LGALS12: variants seen among roughly 807,000 people sequenced by gnomAD.
The protein encoded by LGALS12 is galectin 12, also known as galectin-12.
Under a neutral mutation model 36.8 loss-of-function variants are expected in LGALS12, and 36 were observed. That is an observed-to-expected ratio of 0.98 (90% confidence interval 0.75 to 1.29). The LOEUF is 1.29. Ranked by LOEUF, LGALS12 falls within the 50% of genes most tolerant of loss-of-function variation. The probability of loss-of-function intolerance (pLI) is 0.00; values close to 1 mark genes in which losing one functional copy is unlikely to be tolerated. For synonymous variants in LGALS12, 145 were observed against 155.9 expected (o/e 0.93, Z 0.52); for missense variants, 366 against 394.3 (o/e 0.93, Z 0.61).
rs182560081 is a variant in LGALS12 at position 63,508,554 on chromosome 11, T to A, written c.71T>A (p.Val24Glu). Residue 24 changes from valine to glutamate, a missense_variant and splice_region_variant, in exon 2 of 9, where the codon GTG (valine) becomes GAG (glutamate). Transcript: ENST00000394618. Reference protein sequence around the residue: ...FILQPPVFHPVVPYVTTIFGG... With the variant: ...FILQPPVFHPEVPYVTTIFGG... ...GGATGAGTTTCTTTTCTTGTTCAGGTGGTTCCTTATGTCACGACGATTTTT... is the reference window on the plus strand; with the variant it reads ...GGATGAGTTTCTTTTCTTGTTCAGGAGGTTCCTTATGTCACGACGATTTTT... 4.0e-5 allele frequency: 64 copies of A among 1,614,158 alleles called. No individual in the cohort carries two copies. In the East Asian group the frequency reaches 1.3e-3, roughly 32 times the overall value.
chr11:63,512,486 C>G, intron 7 of LGALS12, among the ~76,000 whole-genome samples: 1 of 151,964 alleles, frequency 6.6e-6, no homozygotes, highest in East Asian at 1.9e-4. Flanking sequence ...CTCTGTTTTC[C>G]TCTCTGTAAG....
In LGALS12 at chr11:63,508,110, C is replaced by T. The variant is rs1340363917; in HGVS notation, c.70-443C>T. 7.8e-6 allele frequency: 8 copies of T among 1,027,148 alleles called. No individual in the cohort carries two copies. In the African/African-American group the frequency reaches 1.2e-4, roughly 15 times the overall value. 63.6% of individuals were successfully genotyped at this position (1,027,148 alleles called of 1,614,324 possible). ...TAAGTGCCTCTCCAGGGGTCCATTT[C>T]AGAGTTAGCTGTCAGTTCCTAACTT... is the stretch of plus-strand genomic sequence containing the variant. On this transcript the variant is annotated intron_variant, in intron 1 of 8. Coordinates refer to ENST00000394618, the MANE Select transcript of LGALS12 (RefSeq NM_033101.4).
Position 63,510,717 on chromosome 11 carries a change from T to C in LGALS12, c.531+216T>C, listed in dbSNP as rs188740563. ...GGAAGATGAATGGGGGTGGGCTGCA[T>C]GCAGAGGGGGCAAGACCCCGTATTC... On this transcript the variant is annotated intron_variant, in intron 5 of 8. Coordinates refer to ENST00000394618, the MANE Select transcript of LGALS12 (RefSeq NM_033101.4). Among the ~76,000 whole-genome samples the C allele has an allele frequency of 3.7e-3, 564 of 152,248 alleles. 2 individuals carry two copies. Among genetic ancestry groups the C allele is most frequent in the African/African-American group, 0.013 (535 of 41,550 alleles).
chr11:63,510,214 A>G (rs1453286374), intron 4 of LGALS12, among the ~76,000 whole-genome samples: 1 of 152,242 alleles, frequency 6.6e-6, no homozygotes, highest in Non-Finnish European at 1.5e-5. Flanking sequence ...AGCTGGCTTT[A>G]TCATTCCCAC....
At chr11:63,510,366 G>A in intron 4 of LGALS12, 97 bp from the exon 5 acceptor site, 1 of 1,179,828 alleles carries the variant, frequency 8.5e-7, no homozygotes, top group Non-Finnish European at 1.3e-6. Context: ...GGAACATGAG[G>A]AGCTGTAAAG....
chr11:63,516,429 A>G lies in LGALS12; in HGVS notation c.*36A>G. The G allele has an allele frequency of 6.2e-7, 1 of 1,612,358 alleles. No homozygotes were observed. The highest frequency in any genetic ancestry group is 1.1e-5 in the South Asian group (1 of 91,058). The stretch of plus-strand genomic sequence containing the variant: ...AGGGAAATACCGCCAGAAAACAAGA[A>G]GGTCAGCCCACTCCCAGGGCCCCAC... On this transcript the variant is annotated 3_prime_UTR_variant, in exon 9 of 9. Coordinates refer to ENST00000394618, the MANE Select transcript of LGALS12 (RefSeq NM_033101.4).
chr11:63,512,089 C>A (rs895134728), intron 7 of LGALS12, among the ~76,000 whole-genome samples: 2 of 152,228 alleles, frequency 1.3e-5, no homozygotes, highest in African/African-American at 4.8e-5. Flanking sequence ...CAGGCCTAGC[C>A]TCTTGTCCCA....
rs1039939977 is a variant in LGALS12 at position 63,510,737 on chromosome 11, G to A, written c.531+236G>A. 7.2e-5 allele frequency among the ~76,000 whole-genome samples: 11 copies of A among 152,182 alleles called. No homozygotes were observed. In the East Asian group the frequency reaches 9.6e-4, roughly 13 times the overall value. On this transcript the variant is annotated intron_variant, in intron 5 of 8. Coordinates refer to ENST00000394618, the MANE Select transcript of LGALS12 (RefSeq NM_033101.4). ...CTGCATGCAGAGGGGGCAAGACCCC[G>A]TATTCCTAGCAGGAGAGGCCTTAGT...
intron 3 of LGALS12, 40 bp downstream of exon 3, chr11:63,509,031 G>A: frequency 1.3e-6 from 2 of 1,515,770 alleles, no homozygotes. Context: ...TAGAATTTGT[G>A]TCCTTGCGCC....
chr11:63,506,466 C>T lies in LGALS12; in HGVS notation c.8C>T (p.Pro3Leu), dbSNP rs1311702194. ...TGGAGTTGCCCCACTGTCATGTCAC[C>T]TGGAGAAAAACTGGACCCAATTCCT... MSPGEKLDPIPDS... is the reference protein window; with the variant it reads MSLGEKLDPIPDS... The change falls in exon 1 of 9, where the codon CCT becomes CTT. Residue 3 changes from proline to leucine, a missense_variant. Physicochemically the swap from Pro to Leu is moderately conservative, Grantham distance 98 (BLOSUM62 -3). Transcript: ENST00000394618. The T allele has an allele frequency of 6.2e-7, 1 of 1,614,208 alleles. No individual in the cohort carries two copies. Among genetic ancestry groups the T allele is most frequent in the Admixed American group, 1.7e-5 (1 of 60,026 alleles).
chr11:63,515,864 C>G, intron 8 of LGALS12, 151 bp downstream of exon 8: 1 of 773,278 alleles, frequency 1.3e-6, no homozygotes, highest in Non-Finnish European at 2.0e-6. Context: ...GTCTGTACAG[C>G]AGTCCTCAAC....
Position 63,516,478 on chromosome 11 carries a change from C to A in LGALS12, c.*85C>A, listed in dbSNP as rs1040469894. ...ACTCTCCTCCCCTCATTAAACCATCCACCTGACACCAGCACATCAGGCCTG... is the reference window on the plus strand; with the variant it reads ...ACTCTCCTCCCCTCATTAAACCATCAACCTGACACCAGCACATCAGGCCTG... On this transcript the variant is annotated 3_prime_UTR_variant, in exon 9 of 9. Coordinates refer to ENST00000394618, the MANE Select transcript of LGALS12 (RefSeq NM_033101.4). 2.7e-6 allele frequency: 4 copies of A among 1,473,872 alleles called. No individual in the cohort carries two copies. Among genetic ancestry groups the A allele is most frequent in the Non-Finnish European group, 3.8e-6 (4 of 1,065,834 alleles). The allele number at this position is 1,473,872 out of a possible 1,614,324, so 91.3% of individuals were successfully genotyped here.
At position 63,516,248 on chromosome 11, in the gene LGALS12, T is replaced by C; in HGVS notation, c.800T>C (p.Val267Ala). 6.4e-7 allele frequency: 1 copy of C among 1,570,516 alleles called. No homozygotes were observed. Among genetic ancestry groups the C allele is most frequent in the Non-Finnish European group, 8.6e-7 (1 of 1,160,568 alleles). ...FLFYPQRFFE[V>A]LLLFQEGGLK... ...CCCCCTCATGTCCTCCTTTCCCAGG[T>C]GCTGCTCCTGTTCCAGGAGGGAGGG... Residue 267 changes from valine to alanine, a missense_variant and splice_region_variant, in exon 9 of 9, where the codon GTG (valine) becomes GCG (alanine). Physicochemically the swap from Val to Ala is moderately conservative, Grantham distance 64. Transcript: ENST00000394618.
intron 1 of LGALS12, chr11:63,508,150 C>T (rs1463642890): frequency 9.5e-7 from 1 of 1,053,934 alleles, no homozygotes; most frequent in East Asian, 8.3e-5. Context: ...ATTCTTCTTG[C>T]CTCCCAGTTC....
intron 8 of LGALS12, among the ~76,000 whole-genome samples, chr11:63,515,926 TGG>T (rs11292977): frequency 2.0e-5 from 3 of 150,824 alleles, no homozygotes; most frequent in East Asian, 1.9e-4. Context: ...TTGATGCAGG[TGG>T]GGGGGGGCCC....
chr11:63,515,488 C>T, intron 7 of LGALS12, 75 bp from the exon 8 acceptor site: 2 of 1,559,288 alleles, frequency 1.3e-6, no homozygotes, highest in Non-Finnish European at 1.7e-6. Context: ...TGACCTCCAT[C>T]CTTCCCCTGG....
chr11:63,510,357 G>T, intron 4 of LGALS12, 106 bp from the exon 5 acceptor site: 1 of 1,105,634 alleles, frequency 9.0e-7, no homozygotes, highest in Non-Finnish European at 1.4e-6. Flanking sequence ...AGCCGAATGG[G>T]AACATGAGGA....
At chr11:63,514,707 C>G (rs545988106) in intron 7 of LGALS12, among the ~76,000 whole-genome samples, 3 of 152,206 alleles carry the variant, frequency 2.0e-5, no homozygotes, top group African/African-American at 7.2e-5. Flanking sequence ...ACCACTATTA[C>G]TAGTAACAGA....
chr11:63,511,022 C>T (rs1208501519), intron 5 of LGALS12, 57 bp from the exon 6 acceptor site: 1 of 1,563,650 alleles, frequency 6.4e-7, no homozygotes, highest in Non-Finnish European at 8.8e-7. Context: ...ACAAGAGTTT[C>T]CCTTTTCCTG....
Sources: gnomAD v4.1 joint callset for allele counts (sites outside exome capture counted in the v4.1 genomes callset) on GRCh38, gnomAD v4.1.1 for gene constraint, MANE v1.5 for transcripts, NCBI Gene and HGNC (gene_info 2026-07-23, HGNC 2026-07-21) for gene names.